The following SRPK1 variants were observed in gnomAD, a reference collection of about 807,000 sequenced individuals.
The protein encoded by SRPK1 is SRSF protein kinase 1, also known as SFRS protein kinase 1.
SRPK1 carries 52 observed loss-of-function variants against 89.5 expected under a neutral mutation model. The observed-to-expected ratio is 0.58, with a 90% CI of 0.46 to 0.73. SRPK1 has a LOEUF of 0.73. Among genes scored for constraint, SRPK1 ranks in the 30% least tolerant of loss-of-function variants. The pLI is 0.00. For synonymous variants in SRPK1, 255 were observed against 270.2 expected (o/e 0.94, Z 0.55); for missense variants, 603 against 780.6 (o/e 0.77, Z 2.71).
chr6:35,901,354 A>C (rs146104011), intron 2 of SRPK1, among the ~76,000 whole-genome samples: 2 of 152,308 alleles, frequency 1.3e-5, no homozygotes, highest in African/African-American at 4.8e-5. Flanking sequence ...GGATGTAGAG[A>C]CACACACACA....
At chr6:35,878,303 A>G (rs1029497388) in intron 6 of SRPK1, among the ~76,000 whole-genome samples, 5 of 152,198 alleles carry the variant, frequency 3.3e-5, no homozygotes, top group African/African-American at 1.2e-4. Flanking sequence ...ATGCCAGGTA[A>G]TAAACTGCCA....
rs762219996 is a variant in SRPK1 at position 35,838,830 on chromosome 6, G to A, written c.1691-401C>T. The A allele has an allele frequency of 7.3e-6, 10 of 1,363,106 alleles. No individual in the cohort carries two copies. The East Asian group carries it at 2.3e-4, about 31-fold the overall frequency. 84.4% of individuals were successfully genotyped at this position (1,363,106 alleles called of 1,614,324 possible). ...TAGAAGGGTAAGAAGAACAGATCAA[G>A]GACAAGCTGTAAAAGAGGTTTTTCT... On this transcript the variant is annotated intron_variant, in intron 14 of 15. Coordinates refer to ENST00000373825, the MANE Select transcript of SRPK1 (RefSeq NM_003137.5).
At chr6:35,900,844 T>C (rs957785109) in intron 2 of SRPK1, among the ~76,000 whole-genome samples, 6 of 152,112 alleles carry the variant, frequency 3.9e-5, no homozygotes, top group Admixed American at 2.6e-4. Context: ...TTAGAAATGA[T>C]TTAGTTATGG....
chr6:35,894,995 T>C (rs778951470), intron 2 of SRPK1, among the ~76,000 whole-genome samples: 8 of 152,014 alleles, frequency 5.3e-5, no homozygotes, highest in Non-Finnish European at 8.8e-5. Flanking sequence ...GCATTTAATC[T>C]GACCTAGAGC....
chr6:35,848,513 C>T (rs1769471180), intron 13 of SRPK1, among the ~76,000 whole-genome samples: 1 of 152,166 alleles, frequency 6.6e-6, no homozygotes, highest in African/African-American at 2.4e-5. Flanking sequence ...GCTGTGATTG[C>T]GCCACTGCAC....
chr6:35,889,846 C>A (rs544846521), intron 3 of SRPK1, among the ~76,000 whole-genome samples: 1 of 150,468 alleles, frequency 6.6e-6, no homozygotes, highest in African/African-American at 2.5e-5. Context: ...CCCCTGTAAT[C>A]CCAGCACTTT....
chr6:35,870,413 G>C lies in SRPK1; in HGVS notation c.859C>G (p.Gln287Glu), dbSNP rs1421306982. ...TCTTTCTCCATTTCCTCAATTTCCT[G>C]CATTCGCTTCTCTAGTAATTCTGCC... ...RQAELLEKRM[Q>E]EIEEMEKESG... Residue 287 changes from glutamine (Q) to glutamate (E), a missense_variant, in exon 10 of 16, where the codon CAG (glutamine) becomes GAG (glutamate). Gln to Glu is a conservative substitution (Grantham distance 29, BLOSUM62 2). Transcript: ENST00000373825. The C allele has an allele frequency of 6.3e-7, 1 of 1,576,618 alleles. No homozygotes were observed. The highest frequency in any genetic ancestry group is 8.6e-7 in the Non-Finnish European group (1 of 1,159,572).
intron 5 of SRPK1, chr6:35,887,691 C>T (rs570142783): frequency 2.6e-5 from 5 of 191,900 alleles, no homozygotes; most frequent in South Asian, 1.9e-4. Flanking sequence ...TTTATTTACA[C>T]AACTTTCCTT....
intron 13 of SRPK1, among the ~76,000 whole-genome samples, chr6:35,856,721 T>C (rs530276901): frequency 2.1e-4 from 32 of 152,326 alleles, no homozygotes; most frequent in South Asian, 8.3e-4. Flanking sequence ...AGAAACAATG[T>C]AACACATTCC....
chr6:35,914,261 G>A (rs1207233105), intron 2 of SRPK1, among the ~76,000 whole-genome samples: 2 of 152,146 alleles, frequency 1.3e-5, no homozygotes, highest in Non-Finnish European at 2.9e-5. Context: ...ACAGGCTTGA[G>A]TCACCAGACC....
chr6:35,918,789 A>G (rs1046426901), intron 2 of SRPK1, among the ~76,000 whole-genome samples: 1 of 152,232 alleles, frequency 6.6e-6, no homozygotes, highest in Non-Finnish European at 1.5e-5. Flanking sequence ...GAAATAAAGC[A>G]TATGGTCTAA....
intron 13 of SRPK1, among the ~76,000 whole-genome samples, chr6:35,844,258 C>G (rs1018666858): frequency 6.6e-6 from 1 of 152,144 alleles, no homozygotes; most frequent in Non-Finnish European, 1.5e-5. Context: ...CTGCCTCGGC[C>G]TCCCAAAGTG....
intron 2 of SRPK1, among the ~76,000 whole-genome samples, chr6:35,906,524 TA>T (rs1469440749): frequency 6.6e-6 from 1 of 152,058 alleles, no homozygotes; most frequent in African/African-American, 2.4e-5. Context: ...GCACGAATAT[TA>T]AAAACATTAA....
chr6:35,862,843 C>A (rs868156027), intron 12 of SRPK1, among the ~76,000 whole-genome samples: 2 of 152,086 alleles, frequency 1.3e-5, no homozygotes, highest in Non-Finnish European at 1.5e-5. Context: ...ACAACAACAA[C>A]AACAAACCCC....
At chr6:35,892,698 C>A (rs76118881) in intron 2 of SRPK1, among the ~76,000 whole-genome samples, 39,408 of 148,496 alleles carry the variant, frequency 0.27, 5,572 homozygotes, top group South Asian at 0.39. Context: ...ACGACAACAA[C>A]ACAAAACAAA....
chr6:35,860,106 C>G (rs1315632598), intron 12 of SRPK1, among the ~76,000 whole-genome samples: 1 of 151,974 alleles, frequency 6.6e-6, no homozygotes, highest in African/African-American at 2.4e-5. Flanking sequence ...CCTCGTGATC[C>G]GCCTGCCTCG....
At chr6:35,915,615 G>A (rs1314689084) in intron 2 of SRPK1, among the ~76,000 whole-genome samples, 2 of 151,962 alleles carry the variant, frequency 1.3e-5, no homozygotes, top group African/African-American at 2.4e-5. Context: ...TTTAATACAC[G>A]AAAAATACTC....
At chr6:35,858,449 C>T (rs1769710890) in intron 12 of SRPK1, among the ~76,000 whole-genome samples, 1 of 151,438 alleles carries the variant, frequency 6.6e-6, no homozygotes, top group African/African-American at 2.4e-5. Context: ...AGGCATATCA[C>T]TATGAAATTA....
At chr6:35,901,126 G>C (rs190082723) in intron 2 of SRPK1, among the ~76,000 whole-genome samples, 1 of 152,340 alleles carries the variant, frequency 6.6e-6, no homozygotes, top group East Asian at 1.9e-4. Flanking sequence ...GAATGGTTAA[G>C]ATCTCCTAAT....
Sources: allele counts gnomAD v4.1 joint callset (sites outside exome capture counted in the v4.1 genomes callset), GRCh38; gene constraint gnomAD v4.1.1; transcripts MANE v1.5; gene names NCBI Gene and HGNC (gene_info 2026-07-23, HGNC 2026-07-21).